Variants in AGBL5 observed in about 807,000 individuals in gnomAD.
AGBL5 encodes AGBL carboxypeptidase 5, also known as cytosolic carboxypeptidase-like protein 5.
A neutral mutation model predicts 88.0 loss-of-function variants in AGBL5; 51 were observed. The observed-to-expected ratio is 0.58, with a 90% confidence interval of 0.46 to 0.73. The LOEUF is 0.73. AGBL5 is among the 30% of genes least tolerant of loss of function. The pLI is 0.00. For missense variants in AGBL5, 1,031 were observed against 1,162.2 expected, an observed-to-expected ratio of 0.89 and a Z score of 1.64; for synonymous variants, 446 against 438.8, an observed-to-expected ratio of 1.02 and a Z score of -0.21.
chr2:27,067,727 AC>A, intron 12 of AGBL5, 81 bp downstream of exon 12: 2 of 1,449,758 alleles, frequency 1.4e-6, no homozygotes, highest in Non-Finnish European at 1.9e-6. Context: ...TAGTTGGGAG[AC>A]CAGGGGCATC....
rs759542168 is a variant in AGBL5, at chr2:27,069,648, A to AC, written c.2437dup (p.Arg813ProfsTer7). Reference sequence around the variant, plus strand: ...AGGCTCTTCAGGCCCCACATCCCCTACCCCCCGGACCAGGGAGAGCAGTGA... The same window carrying AC: ...AGGCTCTTCAGGCCCCACATCCCCTACCCCCCCGGACCAGGGAGAGCAGTGA... On this transcript the variant is annotated frameshift_variant, in exon 14 of 15. Coordinates refer to ENST00000360131, the MANE Select transcript of AGBL5 (RefSeq NM_021831.6). LOFTEE classifies it high-confidence loss of function. 3.7e-6 allele frequency: 6 copies of AC among 1,614,042 alleles called. No homozygotes were observed. Among genetic ancestry groups the AC allele is most frequent in the Non-Finnish European group, 5.1e-6 (6 of 1,179,970 alleles).
chr2:27,061,473 G>A (rs1460998591), intron 11 of AGBL5, among the ~76,000 whole-genome samples: 3 of 152,152 alleles, frequency 2.0e-5, no homozygotes, highest in African/African-American at 7.2e-5. Context: ...CTGACCTCGT[G>A]ATCGCCTGCC....
chr2:27,070,146 A>T lies in AGBL5; in HGVS notation c.2544A>T (p.Ile848=), dbSNP rs201614685. Residue 848 remains isoleucine, a synonymous_variant, in exon 15 of 15, where the codon ATA becomes ATT. Coordinates refer to ENST00000360131, the MANE Select transcript of AGBL5 (RefSeq NM_021831.6). Reference sequence around the variant, plus strand: ...GCTCTGCCCCTGCCTTTTCTCCTATATCCTGTAGTCTATCTGACTCCCCAT... The same window carrying T: ...GCTCTGCCCCTGCCTTTTCTCCTATTTCCTGTAGTCTATCTGACTCCCCAT... ...RPRSAPAFSP[I]SCSLSDSPSW... The T allele has an allele frequency of 2.7e-4, 438 of 1,613,976 alleles. 1 individual carries two copies. The African/African-American group carries it at 5.5e-3, about 20-fold the overall frequency.
chr2:27,065,611 G>A (rs1668945848), intron 11 of AGBL5, among the ~76,000 whole-genome samples: 1 of 152,196 alleles, frequency 6.6e-6, no homozygotes, highest in Non-Finnish European at 1.5e-5. Flanking sequence ...TATGTTTATT[G>A]AGTAGTATGT....
upstream of AGBL5, chr2:27,050,906 T>C (rs1668071067): frequency 6.6e-6 from 1 of 152,212 alleles, no homozygotes; most frequent in South Asian, 2.1e-4. Flanking sequence ...TTTAATTCAA[T>C]TATCCCATAA....
chr2:27,068,095 G>A (rs1387367122), intron 12 of AGBL5, among the ~76,000 whole-genome samples: 1 of 152,112 alleles, frequency 6.6e-6, no homozygotes, highest in Non-Finnish European at 1.5e-5. Context: ...TATAGACCCA[G>A]CTATATAAAG....
rs1443722934 is a variant in AGBL5 at position 27,057,398 on chromosome 2, C to T, written c.1631C>T (p.Pro544Leu). The change falls in exon 9 of 15, where the codon CCG becomes CTG. Residue 544 changes from proline (P) to leucine (L), a missense_variant. By Grantham distance (98) the Pro-to-Leu change is moderately conservative. Around this residue, in one of 2 missense-constraint regions of AGBL5, gnomAD observed 491 missense variants for 484.0 expected, o/e 1.01. Coordinates refer to ENST00000360131, the MANE Select transcript of AGBL5 (RefSeq NM_021831.6). ...DNGRASPPPP[P>L]AFPSRYTVEL... ...GGGCGTGCCAGCCCCCCTCCCCCGC[C>T]GGCTTTCCCCTCCAGATACACTGTG... 10 of 1,613,908 alleles carry T rather than the reference C, an allele frequency of 6.2e-6. No individual in the cohort carries two copies. Among genetic ancestry groups the T allele is most frequent in the Non-Finnish European group, 8.5e-6 (10 of 1,179,916 alleles).
chr2:27,050,917 G>C (rs1668072470), upstream of AGBL5: 1 of 152,218 alleles, frequency 6.6e-6, no homozygotes, highest in Non-Finnish European at 1.5e-5. Flanking sequence ...TATCCCATAA[G>C]GGGAAAGGCT....
chr2:27,066,774 G>A lies in AGBL5; in HGVS notation c.2090-720G>A, dbSNP rs933996061. ...AGCCTGGGCAACATGGCAAAACCCC[G>A]TCTCTACTAAAAATACAAAATTTAG... On this transcript the variant is annotated intron_variant, in intron 11 of 14. Coordinates refer to ENST00000360131, the MANE Select transcript of AGBL5 (RefSeq NM_021831.6). Among the ~76,000 whole-genome samples the A allele has an allele frequency of 4.6e-5, 7 of 151,620 alleles. No homozygotes were observed. The South Asian group carries it at 1.0e-3, about 23-fold the overall frequency.
intron 14 of AGBL5, 69 bp downstream of exon 14, chr2:27,069,775 C>A: frequency 6.5e-7 from 1 of 1,548,888 alleles, no homozygotes; most frequent in Non-Finnish European, 8.7e-7. Flanking sequence ...TTCTGTCATT[C>A]AGAATAATTT....
Position 27,054,815 on chromosome 2 carries a change from G to A in AGBL5, c.729+8G>A. ...CGTTTCGCAGGCAAGAGGGTGAGTG[G>A]AAATAGCATAAAGGTAGTTCTTTGG... On this transcript the variant is annotated splice_region_variant and intron_variant, in intron 5 of 14. Coordinates refer to ENST00000360131, the MANE Select transcript of AGBL5 (RefSeq NM_021831.6). 6.2e-7 allele frequency: 1 copy of A among 1,610,542 alleles called. No individual in the cohort carries two copies.
rs760711057 is a variant in AGBL5 at position 27,053,585 on chromosome 2, A to C, written c.387+12A>C. ...GGCCCACCTTTGAGGTAAGTTCTCC[A>C]TGAGGAGGAAAGAAAGACTTGGGTG... On this transcript the variant is annotated intron_variant, in intron 3 of 14. Coordinates refer to ENST00000360131, the MANE Select transcript of AGBL5 (RefSeq NM_021831.6). The surrounding 1 kb of genome is among the most constrained non-coding windows in gnomAD (Gnocchi z 4.9). The C allele has an allele frequency of 6.2e-7, 1 of 1,600,044 alleles. No individual in the cohort carries two copies. Among genetic ancestry groups the C allele is most frequent in the African/African-American group, 1.3e-5 (1 of 74,216 alleles).
chr2:27,066,234 CAAA>C (rs5830033), intron 11 of AGBL5, among the ~76,000 whole-genome samples: 12 of 84,414 alleles, frequency 1.4e-4, no homozygotes, highest in Admixed American at 3.7e-4. Context: ...ACCCTGTCTC[CAAA>C]AAAAAAAAAA....
In AGBL5 at chr2:27,069,316, A is replaced by G. The variant is rs1669153442; in HGVS notation, c.2356-257A>G. The G allele has an allele frequency of 6.1e-6, 6 of 985,280 alleles. No homozygotes were observed. The African/African-American group carries it at 1.0e-4, about 17-fold the overall frequency. 61.0% of individuals were successfully genotyped at this position (985,280 alleles called of 1,614,324 possible). A position where few individuals can be genotyped will look rare whatever the true frequency, so the allele number is the denominator to read the frequency against. On this transcript the variant is annotated intron_variant, in intron 13 of 14. Coordinates refer to ENST00000360131, the MANE Select transcript of AGBL5 (RefSeq NM_021831.6). ...TTCTCTACTCACCCAGACCTTAGTC[A>G]TGGTGTAGCCATGGCGGTTAAATGC...
intron 4 of AGBL5, chr2:27,054,362 C>A: frequency 1.8e-6 from 1 of 553,182 alleles, no homozygotes; most frequent in South Asian, 2.6e-5. Flanking sequence ...TTTTATCTGC[C>A]CCCACGGAGA....
intron 11 of AGBL5, among the ~76,000 whole-genome samples, chr2:27,064,770 T>C (rs1668901346): frequency 7.2e-6 from 1 of 139,096 alleles, no homozygotes; most frequent in African/African-American, 2.6e-5. Flanking sequence ...TTTTTTTTTT[T>C]TTTTGAGACA....
rs747721910 is a variant in AGBL5, at chr2:27,058,389, C to T, written c.1672-11C>T. On this transcript the variant is annotated splice_polypyrimidine_tract_variant and intron_variant, in intron 9 of 14. Coordinates refer to ENST00000360131, the MANE Select transcript of AGBL5 (RefSeq NM_021831.6). ...GACCAGCATGCTGAGCCAAACTGGACTACCCCACAGGTGGGACGAGCTATG... is the reference window on the plus strand; with the variant it reads ...GACCAGCATGCTGAGCCAAACTGGATTACCCCACAGGTGGGACGAGCTATG... 3.1e-6 allele frequency: 5 copies of T among 1,612,458 alleles called. No individual in the cohort carries two copies. The South Asian group carries it at 3.3e-5, about 11-fold the overall frequency.
rs772072440 is a variant in AGBL5, at chr2:27,056,002, C to A, written c.1229C>A (p.Ala410Glu). 9 of 1,614,216 alleles carry A rather than the reference C, an allele frequency of 5.6e-6. No individual in the cohort carries two copies. The highest frequency in any genetic ancestry group is 7.6e-6 in the Non-Finnish European group (9 of 1,180,032). The change falls in exon 7 of 15, where the codon GCG (alanine) becomes GAG (glutamate). Residue 410 changes from alanine to glutamate, a missense_variant. By Grantham distance (107) the Ala-to-Glu change is moderately radical (BLOSUM62 -1). This residue lies in a region of AGBL5 where 540 missense variants were observed against 678.2 expected (regional missense o/e 0.80). Coordinates refer to ENST00000360131, the MANE Select transcript of AGBL5 (RefSeq NM_021831.6). ...NSVWIMPQQSAGLEESAPDTI... is the reference protein window; with the variant it reads ...NSVWIMPQQSEGLEESAPDTI... ...GTGTGGATTATGCCACAACAGTCTG[C>A]GGGGCTTGAAGAGTCAGCCCCTGAT...
chr2:27,067,732 G>GTTCTTTAAGCCTA, intron 12 of AGBL5, 86 bp downstream of exon 12: 70 of 1,482,962 alleles, frequency 4.7e-5, no homozygotes, highest in Non-Finnish European at 6.4e-5. Context: ...GGGAGACCAG[G>GTTCTTTAAGCCTA]GGCATCACTT....
Sources: gnomAD v4.1 joint callset for allele counts (sites outside exome capture counted in the v4.1 genomes callset) on GRCh38, gnomAD v4.1.1 for gene constraint, gnomAD v4.1.1 regional missense constraint, Gnocchi (gnomAD v3.1) non-coding constraint, MANE v1.5 for transcripts, NCBI Gene and HGNC (gene_info 2026-07-23, HGNC 2026-07-21) for gene names.